The following ZFHX3 variants were observed in gnomAD, a reference collection of about 807,000 sequenced individuals.
ZFHX3 encodes zinc finger homeobox protein 3.
ZFHX3 carries 42 observed loss-of-function variants against 279.1 expected under a neutral mutation model. That is an observed-to-expected ratio of 0.15 (90% confidence interval 0.12 to 0.19). The LOEUF (loss-of-function observed/expected upper bound fraction) is 0.19, where lower values mean the gene tolerates loss of function less well. Ranked by LOEUF, ZFHX3 falls within the 10% of genes least tolerant of loss-of-function variation. ZFHX3 has a pLI of 1.00. For synonymous variants in ZFHX3, 2,293 were observed against 1,957.8 expected (o/e 1.17, Z -4.52); for missense variants, 4,981 against 4,754.0 (o/e 1.05, Z -1.40).
At chr16:73,051,769 T>G (rs574081119), upstream of ZFHX3, among the ~76,000 whole-genome samples, 3 of 152,192 alleles carry the variant, frequency 2.0e-5, no homozygotes, top group Non-Finnish European at 4.4e-5. Flanking sequence ...GAAGTTGCCT[T>G]AAAACAGCTT....
intron 2 of ZFHX3, among the ~76,000 whole-genome samples, chr16:73,630,728 A>G (rs2052460664): frequency 6.6e-6 from 1 of 152,246 alleles, no homozygotes; most frequent in Non-Finnish European, 1.5e-5. Context: ...AAACTGGCAG[A>G]GAAAGAAGCA....
chr16:73,317,736 T>A (rs2015485217), intron 4 of ZFHX3, among the ~76,000 whole-genome samples: 1 of 152,102 alleles, frequency 6.6e-6, no homozygotes, highest in African/African-American at 2.4e-5. Flanking sequence ...CAAATACTCA[T>A]CAAACGGCGG....
rs1319458503 is a variant in ZFHX3, at chr16:73,203,965, G to C, written c.-1104+53082C>G. Among the ~76,000 whole-genome samples, 4 of 152,258 alleles carry C rather than the reference G, an allele frequency of 2.6e-5. No individual in the cohort carries two copies. In the East Asian group the frequency reaches 7.7e-4, roughly 29 times the overall value. ...TCAATTGCTGTCTGCCTGCACTTGA[G>C]TATGTTAAGCCAAAATTACTTTGAA... On this transcript the variant is annotated intron_variant, in intron 5 of 17. Coordinates refer to the ZFHX3 transcript ENST00000641206.
In ZFHX3 at chr16:72,794,230, T is replaced by C. The variant is rs1597236037; in HGVS notation, c.8452A>G (p.Met2818Val). 5.0e-6 allele frequency: 8 copies of C among 1,614,214 alleles called. No individual in the cohort carries two copies. The highest frequency in any genetic ancestry group is 1.3e-5 in the African/African-American group (1 of 75,050). Residue 2818 changes from methionine to valine, a missense_variant, in exon 9 of 10, where the codon ATG becomes GTG. Physicochemically the swap from Met to Val is conservative, Grantham distance 21. Around this residue, in one of 7 missense-constraint regions of ZFHX3, gnomAD observed 744 missense variants for 701.3 expected, o/e 1.06. Transcript: ENST00000268489. The surrounding 1 kb of genome is among the most constrained non-coding windows in gnomAD (Gnocchi z 4.2). ...TCAAAGTTTAGATTAACTGAGGACATGGAGGGGCTTTCAAAGTCTTCAATC... is the reference window on the plus strand; with the variant it reads ...TCAAAGTTTAGATTAACTGAGGACACGGAGGGGCTTTCAAAGTCTTCAATC... ...EGIEDFESPSMSSVNLNFDQT... is the reference protein window; with the variant it reads ...EGIEDFESPSVSSVNLNFDQT...
At chr16:72,829,659 G>A (rs2037017932) in intron 5 of ZFHX3, 120 bp downstream of exon 5, 3 of 1,056,052 alleles carry the variant, frequency 2.8e-6, no homozygotes. Context: ...CTTTTTCTGG[G>A]CAGACTAAGG....
At chr16:73,631,478 T>G (rs1482803638) in intron 2 of ZFHX3, among the ~76,000 whole-genome samples, 2 of 152,182 alleles carry the variant, frequency 1.3e-5, no homozygotes, top group African/African-American at 4.8e-5. Context: ...ATCATTTCTA[T>G]CTATATATAA....
At position 72,787,729 on chromosome 16, in the gene ZFHX3, C is replaced by T. The variant is rs750196489; in HGVS notation, c.10547G>A (p.Gly3516Asp). Residue 3516 changes from glycine to aspartate, a missense_variant, in exon 10 of 10, where the codon GGC (glycine) becomes GAC (aspartate). Gly to Asp is a moderately conservative substitution (Grantham distance 94). Transcript: ENST00000268489. ...TGGGGGGSGG[G>D]GGGGGGGGGG... is the part of the protein sequence containing the mutation. Reference sequence around the variant, plus strand: ...GCCGCCGCCGCCGCCACCGCCGCCGCCGCCGCCACTGCCACCGCCGCCGCC... The same window carrying T: ...GCCGCCGCCGCCGCCACCGCCGCCGTCGCCGCCACTGCCACCGCCGCCGCC... 1.4e-5 allele frequency: 20 copies of T among 1,399,540 alleles called. No individual in the cohort carries two copies. Among genetic ancestry groups the T allele is most frequent in the Non-Finnish European group, 1.9e-5 (20 of 1,071,746 alleles). The allele number at this position is 1,399,540 out of a possible 1,614,324, so 86.7% of individuals were successfully genotyped here.
intron 3 of ZFHX3, among the ~76,000 whole-genome samples, chr16:72,933,015 G>C (rs1236933500): frequency 6.6e-6 from 1 of 152,106 alleles, no homozygotes; most frequent in Non-Finnish European, 1.5e-5. Flanking sequence ...AAAACCCCAA[G>C]AGCTATCTGG....
intron 1 of ZFHX3, among the ~76,000 whole-genome samples, chr16:73,058,272 G>GAAGGAA (rs1393044169): frequency 7.0e-6 from 1 of 143,140 alleles, no homozygotes; most frequent in Non-Finnish European, 1.6e-5. Context: ...GGCGGGAGGA[G>GAAGGAA]GAGGAAGAAG....
chr16:73,260,680 G>GT (rs370384540), intron 4 of ZFHX3, among the ~76,000 whole-genome samples: 1,497 of 88,350 alleles, frequency 0.017, 192 homozygotes, highest in African/African-American at 0.046. Flanking sequence ...CACCTATCTG[G>GT]TTTTTTTTTT....
At chr16:73,068,868 C>G (rs1436718256) in intron 8 of ZFHX3, among the ~76,000 whole-genome samples, 1 of 152,230 alleles carries the variant, frequency 6.6e-6, no homozygotes, top group Non-Finnish European at 1.5e-5. Flanking sequence ...AGCTCCACAG[C>G]TCCCTTGAAA....
rs530246743 is a variant in ZFHX3, at chr16:73,334,797, T to C, written c.-1290-16461A>G. Among the ~76,000 whole-genome samples, 31 of 148,840 alleles carry C rather than the reference T, an allele frequency of 2.1e-4. No individual in the cohort carries two copies. In the South Asian group the frequency reaches 5.9e-3, roughly 28 times the overall value. On this transcript the variant is annotated intron_variant, in intron 3 of 17. Transcript: ENST00000641206. ...GGATAAGGAGATCTCTTTTCCTCCTTTTCTTTCTCATTCTTTTTTTTTTTT... is the reference window on the plus strand; with the variant it reads ...GGATAAGGAGATCTCTTTTCCTCCTCTTCTTTCTCATTCTTTTTTTTTTTT...
intron 2 of ZFHX3, among the ~76,000 whole-genome samples, chr16:73,623,106 G>T (rs1414098911): frequency 1.3e-5 from 2 of 151,508 alleles, no homozygotes; most frequent in African/African-American, 4.9e-5. Flanking sequence ...GCGCTATCTC[G>T]GCTCACTGCA....
At chr16:72,996,637 G>A (rs73594729) in intron 1 of ZFHX3, among the ~76,000 whole-genome samples, 2,109 of 152,318 alleles carry the variant, frequency 0.014, 58 homozygotes, top group African/African-American at 0.048. Context: ...GGCTGGGGGC[G>A]TGGGAACCCC....
intron 1 of ZFHX3, among the ~76,000 whole-genome samples, chr16:73,680,447 C>G (rs2142194307): frequency 6.6e-6 from 1 of 152,286 alleles, no homozygotes; most frequent in East Asian, 1.9e-4. Context: ...AACAGAAGCA[C>G]TGTTTCCAAT....
At chr16:73,627,151 T>A (rs1329280264) in intron 2 of ZFHX3, among the ~76,000 whole-genome samples, 2 of 152,198 alleles carry the variant, frequency 1.3e-5, no homozygotes, top group Non-Finnish European at 2.9e-5. Context: ...AAAGAAAATT[T>A]CACTAAAGGG....
At chr16:73,008,781 T>C (rs554720470) in intron 1 of ZFHX3, among the ~76,000 whole-genome samples, 2 of 152,288 alleles carry the variant, frequency 1.3e-5, no homozygotes, top group East Asian at 1.9e-4. Context: ...ATGGCTTCAA[T>C]TGAGTAAGAC....
At chr16:72,898,418 G>A (rs1047109167) in intron 3 of ZFHX3, among the ~76,000 whole-genome samples, 6 of 152,128 alleles carry the variant, frequency 3.9e-5, no homozygotes, top group Non-Finnish European at 4.4e-5. Context: ...GAGACTTCCC[G>A]TTCCTCTATC....
At position 72,871,813 on chromosome 16, in the gene ZFHX3, C is replaced by T. The variant is rs560137809; in HGVS notation, c.3448+17918G>A. Among the ~76,000 whole-genome samples the T allele has an allele frequency of 9.7e-5, 14 of 144,932 alleles. No individual in the cohort carries two copies. The South Asian group carries it at 9.9e-4, about 10-fold the overall frequency. ...AATTTTTTAAGGAATTGGCTGGGCG[C>T]GGTGGCTCACGCCTGTAATCCCAAC... On this transcript the variant is annotated intron_variant, in intron 4 of 9. Transcript: ENST00000268489.
Sources: allele counts gnomAD v4.1 joint callset (sites outside exome capture counted in the v4.1 genomes callset), GRCh38; gene constraint gnomAD v4.1.1; regional missense constraint gnomAD v4.1.1; non-coding constraint Gnocchi (gnomAD v3.1); transcripts MANE v1.5; gene names NCBI Gene and HGNC (gene_info 2026-07-23, HGNC 2026-07-21).